LRRC4C: variants seen among roughly 807,000 people sequenced by gnomAD.
LRRC4C encodes the protein leucine-rich repeat-containing protein 4C.
LRRC4C carries 5 observed loss-of-function variants against 33.6 expected under a neutral mutation model. The observed-to-expected ratio is 0.15, with a 90% confidence interval of 0.08 to 0.31. The LOEUF (loss-of-function observed/expected upper bound fraction) is 0.31. LRRC4C is among the 10% of genes least tolerant of loss of function. LRRC4C has a pLI of 1.00. For synonymous variants in LRRC4C, 329 were observed against 302.0 expected (o/e 1.09, Z -0.93); for missense variants, 560 against 796.7 (o/e 0.70, Z 3.58).
At chr11:40,679,355 A>C (rs916213745) in intron 2 of LRRC4C, among the ~76,000 whole-genome samples, 14 of 152,178 alleles carry the variant, frequency 9.2e-5, no homozygotes, top group Admixed American at 1.3e-4. Context: ...CTCTGAGGAG[A>C]AATTCAAGCC....
At chr11:40,619,030 T>C (rs906533109) in intron 3 of LRRC4C, among the ~76,000 whole-genome samples, 1 of 151,660 alleles carries the variant, frequency 6.6e-6, no homozygotes, top group Non-Finnish European at 1.5e-5. Flanking sequence ...TTTAGAGAAA[T>C]AAACCAGGCA....
intron 3 of LRRC4C, among the ~76,000 whole-genome samples, chr11:40,540,207 T>C (rs1456806349): frequency 6.6e-6 from 1 of 152,196 alleles, no homozygotes; most frequent in Non-Finnish European, 1.5e-5. Context: ...AAAGTCTTTT[T>C]CCCTCTTAGC....
chr11:40,691,288 C>CA (rs1281040943), intron 2 of LRRC4C, among the ~76,000 whole-genome samples: 4 of 152,016 alleles, frequency 2.6e-5, no homozygotes, highest in African/African-American at 7.2e-5. Context: ...AGAATGCCCA[C>CA]AGGGACTCAT....
chr11:40,587,189 A>G (rs1478853982), intron 3 of LRRC4C, among the ~76,000 whole-genome samples: 1 of 151,720 alleles, frequency 6.6e-6, no homozygotes, highest in Admixed American at 6.6e-5. Flanking sequence ...GAGGTCCTTC[A>G]CTTCCCTTGT....
chr11:40,767,448 A>G (rs1318891825), intron 2 of LRRC4C, among the ~76,000 whole-genome samples: 2 of 152,108 alleles, frequency 1.3e-5, no homozygotes, highest in African/African-American at 4.8e-5. Flanking sequence ...AACCTCAGAC[A>G]TAATCTGCAC....
intron 1 of LRRC4C, among the ~76,000 whole-genome samples, chr11:41,341,980 G>T (rs376526342): frequency 6.6e-6 from 1 of 151,310 alleles, no homozygotes; most frequent in Non-Finnish European, 1.5e-5. Context: ...ATAATATCTG[G>T]GACATAGAGA....
At chr11:40,210,563 C>T (rs1203949753) in intron 5 of LRRC4C, among the ~76,000 whole-genome samples, 1 of 152,068 alleles carries the variant, frequency 6.6e-6, no homozygotes, top group East Asian at 1.9e-4. Context: ...AAAATTATCT[C>T]CCTTCTTGGG....
In LRRC4C at chr11:40,656,472, CTT is replaced by C. The variant is rs11371073; in HGVS notation, c.-406-8196_-406-8195del. 1.6e-3 allele frequency among the ~76,000 whole-genome samples: 234 copies of C among 144,358 alleles called. 6 individuals carry two copies. In the East Asian group the frequency reaches 0.035, roughly 21 times the overall value. 94.7% of individuals were successfully genotyped at this position (144,358 alleles called of 152,430 possible). Reference sequence around the variant, plus strand: ...GTGCTTGTATTACAGAAGTGGGTCACTTTTTTTTTTTTTTTGAAAAAGGCAAT... The same window carrying C: ...GTGCTTGTATTACAGAAGTGGGTCACTTTTTTTTTTTTTGAAAAAGGCAAT... On this transcript the variant is annotated intron_variant, in intron 2 of 6. Coordinates refer to ENST00000528697, the MANE Select transcript of LRRC4C (RefSeq NM_001258419.2).
chr11:40,154,647 A>C (rs1158502255), intron 5 of LRRC4C, among the ~76,000 whole-genome samples: 1 of 152,194 alleles, frequency 6.6e-6, no homozygotes, highest in Non-Finnish European at 1.5e-5. Flanking sequence ...GTCCCACAGG[A>C]AAATATCACA....
chr11:41,031,893 G>C (rs1178235382), intron 1 of LRRC4C, among the ~76,000 whole-genome samples: 1 of 151,956 alleles, frequency 6.6e-6, no homozygotes, highest in Non-Finnish European at 1.5e-5. Flanking sequence ...GCTGTCTCTG[G>C]GTGAAGGTGA....
chr11:40,665,326 A>ATATATG (rs1943714853), intron 2 of LRRC4C, among the ~76,000 whole-genome samples: 1 of 5,878 alleles, frequency 1.7e-4, no homozygotes, highest in Admixed American at 2.9e-3. Flanking sequence ...AAAAAAAAAA[A>ATATATG]TATATATATA....
At chr11:41,378,912 C>T (rs557551936) in intron 1 of LRRC4C, among the ~76,000 whole-genome samples, 119 of 151,126 alleles carry the variant, frequency 7.9e-4, no homozygotes, top group African/African-American at 2.7e-3. Flanking sequence ...TATAAGTCAG[C>T]GGGAAGAGTT....
chr11:41,335,775 C>T (rs897750470), intron 1 of LRRC4C, among the ~76,000 whole-genome samples: 3 of 152,192 alleles, frequency 2.0e-5, no homozygotes, highest in African/African-American at 7.2e-5. Flanking sequence ...CCCTCTCCTC[C>T]GTTCTCCCAT....
intron 2 of LRRC4C, among the ~76,000 whole-genome samples, chr11:40,849,997 C>T (rs971056045): frequency 2.6e-5 from 4 of 151,812 alleles, no homozygotes; most frequent in African/African-American, 4.8e-5. Flanking sequence ...TTATGTTCTT[C>T]TCTAAACTGG....
intron 1 of LRRC4C, among the ~76,000 whole-genome samples, chr11:41,396,573 G>A (rs897146607): frequency 1.3e-5 from 2 of 151,914 alleles, no homozygotes; most frequent in Non-Finnish European, 2.9e-5. Context: ...TGAGAAACAT[G>A]TAGTGAATGC....
chr11:41,316,262 C>A (rs376431389), intron 1 of LRRC4C, among the ~76,000 whole-genome samples: 1,032 of 77,300 alleles, frequency 0.013, no homozygotes, highest in African/African-American at 0.025. Flanking sequence ...CTCTGGATGG[C>A]AAAAAAAAAA....
intron 1 of LRRC4C, among the ~76,000 whole-genome samples, chr11:41,085,375 C>G (rs1277432253): frequency 6.6e-6 from 1 of 152,046 alleles, no homozygotes; most frequent in Non-Finnish European, 1.5e-5. Flanking sequence ...CTTTTTCAAA[C>G]AAGTATATCT....
chr11:40,375,063 A>G (rs1329468528), intron 3 of LRRC4C, among the ~76,000 whole-genome samples: 1 of 152,210 alleles, frequency 6.6e-6, no homozygotes, highest in Non-Finnish European at 1.5e-5. Flanking sequence ...CCAGTGGAAC[A>G]AAATTTTCTC....
At chr11:40,417,222 T>C (rs141088197) in intron 3 of LRRC4C, among the ~76,000 whole-genome samples, 1 of 152,308 alleles carries the variant, frequency 6.6e-6, no homozygotes, top group East Asian at 1.9e-4. Flanking sequence ...TCCCGTAGTA[T>C]GGTTTGATTA....
Sources: gnomAD v4.1 joint callset for allele counts (sites outside exome capture counted in the v4.1 genomes callset) on GRCh38, gnomAD v4.1.1 for gene constraint, MANE v1.5 for transcripts, NCBI Gene and HGNC (gene_info 2026-07-23, HGNC 2026-07-21) for gene names.